MEOX1: variants seen among roughly 807,000 people sequenced by gnomAD.
MEOX1 encodes the protein homeobox protein MOX-1.
A neutral mutation model predicts 23.2 loss-of-function variants in MEOX1; 17 were observed. The ratio of observed to expected loss-of-function variants is 0.73; its 90% CI spans 0.50 to 1.10. MEOX1 has a LOEUF of 1.10. MEOX1 is among the 50% of genes least tolerant of loss of function. MEOX1 has a pLI of 0.00. For synonymous variants in MEOX1, 134 were observed against 135.1 expected (o/e 0.99, Z 0.06); for missense variants, 333 against 332.2 (o/e 1.00, Z -0.02).
At chr17:43,651,552 G>GAA (rs59890466) in intron 1 of MEOX1, among the ~76,000 whole-genome samples, 2 of 150,148 alleles carry the variant, frequency 1.3e-5, no homozygotes, top group African/African-American at 4.9e-5. Context: ...AAACAAGGGG[G>GAA]AAAAAAAAAG....
rs564006897 is a variant in MEOX1 at position 43,657,109 on chromosome 17, TTC to T, written c.469+3955_469+3956del. 2.5e-3 allele frequency among the ~76,000 whole-genome samples: 379 copies of T among 149,314 alleles called. 1 individual carries two copies. Among genetic ancestry groups the T allele is most frequent in the African/African-American group, 9.0e-3 (364 of 40,478 alleles). ...TTTCTTTCTTTTTCTTTCTCTCTTT[TTC>T]TCTCTGTCTCCTTCCTTCCTTCCTT... On this transcript the variant is annotated intron_variant, in intron 1 of 2. Transcript: ENST00000318579.
intron 2 of MEOX1, among the ~76,000 whole-genome samples, chr17:43,642,981 C>T (rs912302445): frequency 1.3e-5 from 2 of 152,140 alleles, no homozygotes; most frequent in African/African-American, 2.4e-5. Context: ...TAAAATCATC[C>T]CTAGGGGTGG....
chr17:43,648,481 A>AG (rs1972852277), intron 1 of MEOX1, among the ~76,000 whole-genome samples: 1 of 151,740 alleles, frequency 6.6e-6, no homozygotes, highest in Admixed American at 6.6e-5. Context: ...AAAAAAAAAA[A>AG]AAGAAAAGAA....
chr17:43,660,274 A>G (rs912724550), intron 1 of MEOX1, among the ~76,000 whole-genome samples: 2 of 152,188 alleles, frequency 1.3e-5, no homozygotes, highest in African/African-American at 2.4e-5. Flanking sequence ...CTTAACAAAT[A>G]GGCCAATCTC....
chr17:43,660,966 G>T, intron 1 of MEOX1, 100 bp downstream of exon 1: 1 of 729,300 alleles, frequency 1.4e-6, no homozygotes, highest in Non-Finnish European at 2.2e-6. Context: ...GGATGGACTA[G>T]ACAGAAATTC....
intron 1 of MEOX1, among the ~76,000 whole-genome samples, chr17:43,647,477 T>A (rs1972832740): frequency 6.6e-6 from 1 of 152,208 alleles, no homozygotes; most frequent in Non-Finnish European, 1.5e-5. Context: ...CAGATCCATC[T>A]GATTAGAGCC....
At chr17:43,651,014 C>G (rs1466493297) in intron 1 of MEOX1, among the ~76,000 whole-genome samples, 1 of 152,094 alleles carries the variant, frequency 6.6e-6, no homozygotes, top group Non-Finnish European at 1.5e-5. Flanking sequence ...GCAGGTTCTT[C>G]TGGAATGAAA....
Position 43,661,670 on chromosome 17 carries a change from C to T in MEOX1, c.-136G>A, listed in dbSNP as rs1973148577. 1 of 479,682 alleles carries T rather than the reference C, an allele frequency of 2.1e-6. No homozygotes were observed. The highest frequency in any genetic ancestry group is 3.4e-6 in the Non-Finnish European group (1 of 290,082). 29.7% of individuals were successfully genotyped at this position (479,682 alleles called of 1,614,324 possible). A position where few individuals can be genotyped will look rare whatever the true frequency, so the allele number is the denominator to read the frequency against. ...TTCAACAGAAAATTTACCCCAGGAACCAAAAAAAAAAAAAAACCCAAAACT... is the reference window on the plus strand; with the variant it reads ...TTCAACAGAAAATTTACCCCAGGAATCAAAAAAAAAAAAAAACCCAAAACT... On this transcript the variant is annotated 5_prime_UTR_variant, in exon 1 of 3. Transcript: ENST00000318579.
chr17:43,647,559 T>C (rs949845426), intron 1 of MEOX1, among the ~76,000 whole-genome samples: 5 of 152,282 alleles, frequency 3.3e-5, no homozygotes, highest in Admixed American at 2.0e-4. Flanking sequence ...GCTGGGCTTG[T>C]CACCCCTTCC....
chr17:43,648,937 G>C (rs1278017622), intron 1 of MEOX1, among the ~76,000 whole-genome samples: 1 of 152,182 alleles, frequency 6.6e-6, no homozygotes, highest in African/African-American at 2.4e-5. Flanking sequence ...ACCTGTTGGT[G>C]AACCTGGGCC....
At chr17:43,645,819 T>G (rs2154588807) in intron 1 of MEOX1, among the ~76,000 whole-genome samples, 1 of 152,340 alleles carries the variant, frequency 6.6e-6, no homozygotes, top group Middle Eastern at 3.4e-3. Flanking sequence ...CCTCTATTGC[T>G]TTCCACTCAA....
At chr17:43,657,261 C>T (rs1973055573) in intron 1 of MEOX1, among the ~76,000 whole-genome samples, 1 of 149,296 alleles carries the variant, frequency 6.7e-6, no homozygotes, top group South Asian at 2.1e-4. Context: ...CAATCTCCAC[C>T]TCCCAAGTTC....
chr17:43,640,974 A>T lies in MEOX1; in HGVS notation c.*936T>A, dbSNP rs1972682353. On this transcript the variant is annotated 3_prime_UTR_variant, in exon 3 of 3. Coordinates refer to ENST00000318579, the MANE Select transcript of MEOX1 (RefSeq NM_004527.4). Reference sequence around the variant, plus strand: ...CTTATTATCTCCCCTCCCCTCCAGAATGCAGGGGACACTTTCCAGCCTCTA... The same window carrying T: ...CTTATTATCTCCCCTCCCCTCCAGATTGCAGGGGACACTTTCCAGCCTCTA... 6.6e-6 allele frequency: 1 copy of T among 151,942 alleles called. No homozygotes were observed. The highest frequency in any genetic ancestry group is 6.6e-5 in the Admixed American group (1 of 15,240). 9.4% of individuals were successfully genotyped at this position (151,942 alleles called of 1,614,324 possible).
At chr17:43,653,262 C>T (rs1255483408) in intron 1 of MEOX1, among the ~76,000 whole-genome samples, 1 of 151,864 alleles carries the variant, frequency 6.6e-6, no homozygotes, top group East Asian at 1.9e-4. Context: ...GCCTCAGCCT[C>T]CTGATTAGCT....
chr17:43,650,506 G>A (rs1212855273), intron 1 of MEOX1, among the ~76,000 whole-genome samples: 4 of 152,186 alleles, frequency 2.6e-5, no homozygotes, highest in Non-Finnish European at 5.9e-5. Flanking sequence ...CCAGTCTAGG[G>A]CTATAGCCTC....
chr17:43,643,901 A>T (rs1446790133), intron 1 of MEOX1, among the ~76,000 whole-genome samples: 4 of 86,224 alleles, frequency 4.6e-5, no homozygotes, highest in Non-Finnish European at 8.6e-5. Flanking sequence ...CCCACCCCAA[A>T]CTTTCTTTTA....
intron 1 of MEOX1, among the ~76,000 whole-genome samples, chr17:43,659,000 G>A (rs781689717): frequency 6.6e-6 from 1 of 152,306 alleles, no homozygotes; most frequent in Middle Eastern, 3.4e-3. Flanking sequence ...CCGTTCAGCC[G>A]AGGGTGTCCC....
chr17:43,650,004 G>A (rs1972887260), intron 1 of MEOX1, among the ~76,000 whole-genome samples: 1 of 152,154 alleles, frequency 6.6e-6, no homozygotes, highest in Non-Finnish European at 1.5e-5. Context: ...CTACAGGGAG[G>A]TTCAGACAGA....
chr17:43,653,392 G>A (rs916978402), intron 1 of MEOX1, among the ~76,000 whole-genome samples: 1 of 150,114 alleles, frequency 6.7e-6, no homozygotes, highest in African/African-American at 2.5e-5. Context: ...CACCCACCTT[G>A]GCCTCCCAAA....
Sources: allele counts gnomAD v4.1 joint callset (sites outside exome capture counted in the v4.1 genomes callset), GRCh38; gene constraint gnomAD v4.1.1; transcripts MANE v1.5; gene names NCBI Gene and HGNC (gene_info 2026-07-23, HGNC 2026-07-21).